COL4A6: variants seen among roughly 807,000 people sequenced by gnomAD.
The protein encoded by COL4A6 is collagen type IV alpha 6 chain.
Under a neutral mutation model 126.7 loss-of-function variants are expected in COL4A6, and 59 were observed. The observed-to-expected ratio is 0.47, with a 90% CI of 0.38 to 0.58. The LOEUF (loss-of-function observed/expected upper bound fraction) is 0.58. Among genes scored for constraint, COL4A6 ranks in the 20% least tolerant of loss-of-function variants. The pLI, the probability that COL4A6 is intolerant of heterozygous loss-of-function variation, is 0.00. For synonymous variants in COL4A6, 547 were observed against 496.6 expected (o/e 1.10, Z -1.35); for missense variants, 1,285 against 1,337.3 (o/e 0.96, Z 0.61).
At chrX:108,211,209 C>T (rs1055774095) in intron 7 of COL4A6, among the ~76,000 whole-genome samples, 3 of 111,805 alleles carry the variant, frequency 2.7e-5, no homozygotes, top group African/African-American at 9.8e-5. Flanking sequence ...TTTTTGCAGA[C>T]ATCCAGGGGC....
At chrX:108,301,223 G>A (rs1360255576) in intron 3 of COL4A6, among the ~76,000 whole-genome samples, 1 of 112,097 alleles carries the variant, frequency 8.9e-6, no homozygotes, top group Non-Finnish European at 1.9e-5. Flanking sequence ...ACAGTCAGTG[G>A]CCTACATAAA....
intron 21 of COL4A6, 120 bp downstream of exon 21, chrX:108,188,397 C>T: frequency 2.7e-6 from 2 of 737,143 alleles, no homozygotes; most frequent in Non-Finnish European, 3.7e-6. Flanking sequence ...AGATCAAAAC[C>T]CCAAAACTTT....
At chrX:108,363,905 C>T (rs1260055979) in intron 2 of COL4A6, among the ~76,000 whole-genome samples, 1 of 111,004 alleles carries the variant, frequency 9.0e-6, no homozygotes, top group Non-Finnish European at 1.9e-5. Flanking sequence ...GCGTCTTGCT[C>T]TGTCACCCAG....
intron 2 of COL4A6, among the ~76,000 whole-genome samples, chrX:108,311,033 C>T (rs2038748281): frequency 8.9e-6 from 1 of 111,803 alleles, no homozygotes; most frequent in South Asian, 3.7e-4. Context: ...AATAAATAGC[C>T]GGTTTGGGAA....
At chrX:108,174,375 G>C in intron 31 of COL4A6, 65 bp downstream of exon 31, 1 of 1,085,590 alleles carries the variant, frequency 9.2e-7, no homozygotes. Flanking sequence ...GTGGGCAGTG[G>C]GGGTATATCC....
At chrX:108,277,073 T>C (rs1031415332) in intron 3 of COL4A6, among the ~76,000 whole-genome samples, 14 of 112,070 alleles carry the variant, frequency 1.2e-4, no homozygotes, top group Admixed American at 5.7e-4. Context: ...GCGTGAGCGA[T>C]GCAGAAGACG....
chrX:108,419,357 G>T (rs1233667097), intron 2 of COL4A6, among the ~76,000 whole-genome samples: 3 of 111,663 alleles, frequency 2.7e-5, no homozygotes, highest in Non-Finnish European at 3.8e-5. Context: ...TTATATTATT[G>T]ATCCATTCAG....
At chrX:108,377,766 A>C (rs760403985) in intron 2 of COL4A6, among the ~76,000 whole-genome samples, 1 of 106,928 alleles carries the variant, frequency 9.4e-6, no homozygotes, top group Admixed American at 1.0e-4. Context: ...CGTCTCTACT[A>C]AAAAAACCAA....
intron 2 of COL4A6, among the ~76,000 whole-genome samples, chrX:108,365,650 G>A (rs886553773): frequency 3.6e-5 from 4 of 112,352 alleles, no homozygotes; most frequent in African/African-American, 6.5e-5. Context: ...AGGGAGAAGC[G>A]AATGTGGGCT....
intron 20 of COL4A6, 145 bp downstream of exon 20, chrX:108,190,245 GCA>G (rs2034996409): frequency 4.7e-6 from 2 of 428,299 alleles, no homozygotes; most frequent in African/African-American, 2.5e-5. Flanking sequence ...CCCAAATATA[GCA>G]CTTCTAACAA....
At chrX:108,431,998 C>T (rs934797299) in intron 2 of COL4A6, among the ~76,000 whole-genome samples, 2 of 112,151 alleles carry the variant, frequency 1.8e-5, no homozygotes, top group African/African-American at 3.2e-5. Flanking sequence ...TTTTGTACAC[C>T]CGCATTTGTG....
chrX:108,188,369 A>G (rs1483601328), intron 21 of COL4A6, 148 bp downstream of exon 21: 1 of 506,201 alleles, frequency 2.0e-6, no homozygotes, highest in African/African-American at 2.4e-5. Flanking sequence ...GAGACTCTAT[A>G]GTCAGATTTC....
chrX:108,275,237 C>A (rs539848645), intron 3 of COL4A6, among the ~76,000 whole-genome samples: 1 of 111,436 alleles, frequency 9.0e-6, no homozygotes, highest in African/African-American at 3.3e-5. Flanking sequence ...AAAGGAAGAA[C>A]CTTCTATTGC....
chrX:108,165,449 A>G lies in COL4A6; in HGVS notation c.3729T>C (p.Gly1243=), dbSNP rs769386439. The part of the protein sequence containing the change: ...PGLQGPAGLP[G]APGISLPSLI... The stretch of plus-strand genomic sequence containing the variant: ...GTGAGGGCAAGGAGATGCCTGGGGC[A>G]CCGGGGAGACCAGCAGGGCCCTGGA... The change falls in exon 38 of 45, where the codon GGT becomes GGC. Residue 1243 remains glycine (G), a synonymous_variant. Coordinates refer to ENST00000334504, the MANE Select transcript of COL4A6 (RefSeq NM_033641.4). 1.1e-5 allele frequency: 13 copies of G among 1,199,462 alleles called. No homozygotes were observed. In the South Asian group the frequency reaches 1.8e-4, roughly 17 times the overall value.
chrX:108,384,169 A>G (rs1268256743), intron 2 of COL4A6, among the ~76,000 whole-genome samples: 1 of 111,212 alleles, frequency 9.0e-6, no homozygotes, highest in African/African-American at 3.3e-5. Flanking sequence ...CTATACTTTT[A>G]ACCACTTAGC....
intron 23 of COL4A6, among the ~76,000 whole-genome samples, chrX:108,185,559 G>A (rs2034836432): frequency 9.0e-6 from 1 of 111,502 alleles, no homozygotes; most frequent in Non-Finnish European, 1.9e-5. Context: ...ATAAAATTTT[G>A]CAAGACCTGG....
At chrX:108,297,256 G>A (rs1441401894) in intron 3 of COL4A6, among the ~76,000 whole-genome samples, 4 of 111,893 alleles carry the variant, frequency 3.6e-5, no homozygotes, top group African/African-American at 1.3e-4. Context: ...TTGCTTTAAA[G>A]GTATTAGCCT....
intron 3 of COL4A6, among the ~76,000 whole-genome samples, chrX:108,277,953 A>G (rs1380160839): frequency 1.4e-4 from 16 of 112,188 alleles, no homozygotes; most frequent in Admixed American, 1.3e-3. Context: ...AAGGAAAACT[A>G]ACAAACAGAA....
intron 4 of COL4A6, among the ~76,000 whole-genome samples, chrX:108,220,904 G>A (rs910467718): frequency 2.7e-4 from 30 of 112,188 alleles, no homozygotes; most frequent in Middle Eastern, 4.6e-3. Context: ...AGGAGTTTGA[G>A]GCCAGCCTGG....
Sources: allele counts gnomAD v4.1 joint callset (sites outside exome capture counted in the v4.1 genomes callset), GRCh38; gene constraint gnomAD v4.1.1; transcripts MANE v1.5; gene names NCBI Gene and HGNC (gene_info 2026-07-23, HGNC 2026-07-21).